Variants in HS3ST4 observed in about 807,000 individuals in gnomAD.
HS3ST4 encodes heparan sulfate-glucosamine 3-sulfotransferase 4, also known as heparan sulfate glucosamine 3-O-sulfotransferase 4.
HS3ST4 carries 17 observed loss-of-function variants against 29.2 expected under a neutral mutation model. The ratio of observed to expected loss-of-function variants is 0.58; its 90% CI spans 0.40 to 0.87. The LOEUF is 0.87. HS3ST4 is among the 40% of genes least tolerant of loss of function. The pLI is 0.00. For synonymous variants in HS3ST4, 314 were observed against 285.7 expected, an observed-to-expected ratio of 1.10 and a Z score of -1.00; for missense variants, 627 against 634.5, an observed-to-expected ratio of 0.99 and a Z score of 0.13.
At chr16:25,817,918 ACC>A (rs1417955428) in intron 1 of HS3ST4, among the ~76,000 whole-genome samples, 1 of 152,118 alleles carries the variant, frequency 6.6e-6, no homozygotes, top group Non-Finnish European at 1.5e-5. Flanking sequence ...CCTTTCCCCC[ACC>A]AGACTGTATG....
chr16:26,041,493 A>T (rs990564762), intron 1 of HS3ST4, among the ~76,000 whole-genome samples: 1 of 152,194 alleles, frequency 6.6e-6, no homozygotes. Context: ...TTAAAAAACG[A>T]ACAAACAAAA....
chr16:25,848,378 G>T (rs546114941), intron 1 of HS3ST4, among the ~76,000 whole-genome samples: 2 of 152,150 alleles, frequency 1.3e-5, no homozygotes, highest in South Asian at 4.2e-4. Context: ...GACATCAAAT[G>T]ATCCGTCCGC....
intron 1 of HS3ST4, among the ~76,000 whole-genome samples, chr16:26,109,813 C>T (rs191264408): frequency 6.6e-6 from 1 of 151,640 alleles, no homozygotes; most frequent in Non-Finnish European, 1.5e-5. Flanking sequence ...GTATTTATCA[C>T]ATACAATGTA....
chr16:25,721,094 G>C (rs1966489938), intron 1 of HS3ST4, among the ~76,000 whole-genome samples: 1 of 152,244 alleles, frequency 6.6e-6, no homozygotes, highest in South Asian at 2.1e-4. Flanking sequence ...CTTCAACTGA[G>C]AAGTGAGAGT....
chr16:26,083,621 CTTTA>C (rs1898750339), intron 1 of HS3ST4, among the ~76,000 whole-genome samples: 2 of 152,106 alleles, frequency 1.3e-5, no homozygotes, highest in Admixed American at 6.6e-5. Context: ...TTGAATAAAA[CTTTA>C]TTTATAAAAG....
At chr16:26,081,603 G>T (rs923804443) in intron 1 of HS3ST4, among the ~76,000 whole-genome samples, 5 of 151,984 alleles carry the variant, frequency 3.3e-5, no homozygotes, top group African/African-American at 4.8e-5. Flanking sequence ...CTCTGCTCAG[G>T]CTCACAGGAT....
chr16:25,820,041 AAAAAAAAAG>A, intron 1 of HS3ST4, among the ~76,000 whole-genome samples: 4 of 148,738 alleles, frequency 2.7e-5, no homozygotes, highest in African/African-American at 9.9e-5. Context: ...AAAAAAAAAA[AAAAAAAAAG>A]AAAAAGAAAA....
intron 1 of HS3ST4, among the ~76,000 whole-genome samples, chr16:25,778,836 A>G (rs1211675225): frequency 6.6e-6 from 1 of 151,818 alleles, no homozygotes; most frequent in Non-Finnish European, 1.5e-5. Flanking sequence ...CAACATAGAA[A>G]CCCTGTCTGA....
At chr16:25,899,093 A>C (rs1968097487) in intron 1 of HS3ST4, among the ~76,000 whole-genome samples, 2 of 152,124 alleles carry the variant, frequency 1.3e-5, no homozygotes, top group South Asian at 2.1e-4. Context: ...TTCTCTTTCC[A>C]ATCTCTCTGT....
intron 1 of HS3ST4, among the ~76,000 whole-genome samples, chr16:25,807,166 G>A (rs1386319875): frequency 6.6e-6 from 1 of 152,080 alleles, no homozygotes; most frequent in Non-Finnish European, 1.5e-5. Context: ...TAGAGACGGA[G>A]TTTCGCCATG....
intron 1 of HS3ST4, among the ~76,000 whole-genome samples, chr16:26,026,489 T>G (rs2141750604): frequency 6.6e-6 from 1 of 152,314 alleles, no homozygotes. Context: ...TGCTATTATC[T>G]TATGTCAGTT....
intron 1 of HS3ST4, among the ~76,000 whole-genome samples, chr16:25,823,666 T>C (rs544299517): frequency 1.3e-5 from 2 of 152,294 alleles, no homozygotes; most frequent in Admixed American, 1.3e-4. Context: ...GTTCAAGCGA[T>C]TCTCGTGCCT....
intron 1 of HS3ST4, among the ~76,000 whole-genome samples, chr16:25,904,288 C>G (rs1301570769): frequency 2.0e-5 from 3 of 152,226 alleles, no homozygotes; most frequent in Middle Eastern, 3.4e-3. Flanking sequence ...TTTGGCATTT[C>G]TAACCTCTCA....
intron 1 of HS3ST4, among the ~76,000 whole-genome samples, chr16:25,815,393 G>A (rs1444342270): frequency 1.3e-5 from 2 of 152,160 alleles, no homozygotes; most frequent in Admixed American, 1.3e-4. Context: ...GCTCCATCTC[G>A]GCTCACTGCA....
intron 1 of HS3ST4, among the ~76,000 whole-genome samples, chr16:26,018,336 G>A (rs1431422637): frequency 2.0e-5 from 3 of 152,172 alleles, no homozygotes; most frequent in Non-Finnish European, 2.9e-5. Flanking sequence ...GTTGTTGGGG[G>A]GCACAGGATT....
At chr16:26,107,538 G>C (rs11867141) in intron 1 of HS3ST4, among the ~76,000 whole-genome samples, 5,867 of 152,166 alleles carry the variant, frequency 0.039, 353 homozygotes, top group African/African-American at 0.13. Flanking sequence ...ATCCCTCACT[G>C]CCACTCACTC....
At chr16:25,717,137 T>C (rs763062072) in intron 1 of HS3ST4, among the ~76,000 whole-genome samples, 26 of 152,130 alleles carry the variant, frequency 1.7e-4, no homozygotes, top group Non-Finnish European at 3.2e-4. Context: ...AAGAGGAACC[T>C]TGGCTGACCT....
intron 1 of HS3ST4, among the ~76,000 whole-genome samples, chr16:25,937,978 C>T (rs1291764311): frequency 6.6e-6 from 1 of 152,108 alleles, no homozygotes; most frequent in Non-Finnish European, 1.5e-5. Flanking sequence ...GGGAAATGCG[C>T]AGGGTTGGAG....
rs746465721 is a variant in HS3ST4, at chr16:26,135,629, C to A, written c.752C>A (p.Thr251Asn). 6.9e-6 allele frequency: 11 copies of A among 1,604,880 alleles called. No homozygotes were observed. Among genetic ancestry groups the A allele is most frequent in the Admixed American group, 1.7e-5 (1 of 58,952 alleles). Residue 251 changes from threonine to asparagine, a missense_variant, in exon 2 of 2, where the codon ACT becomes AAT. Physicochemically the swap from Thr to Asn is moderately conservative, Grantham distance 65. Coordinates refer to ENST00000331351, the MANE Select transcript of HS3ST4 (RefSeq NM_006040.3). Reference sequence around the variant, plus strand: ...TCTCCTAGAAATGTGATGCCCAAGACTTTGGATGGGCAAATAACCATGGAG... The same window carrying A: ...TCTCCTAGAAATGTGATGCCCAAGAATTTGGATGGGCAAATAACCATGGAG... Reference protein sequence around the residue: ...LEWYRNVMPKTLDGQITMEKT... With the variant: ...LEWYRNVMPKNLDGQITMEKT...
Sources: allele counts gnomAD v4.1 joint callset (sites outside exome capture counted in the v4.1 genomes callset), GRCh38; gene constraint gnomAD v4.1.1; transcripts MANE v1.5; gene names NCBI Gene and HGNC (gene_info 2026-07-23, HGNC 2026-07-21).